Variants in AGK observed in about 807,000 individuals in gnomAD.
AGK encodes acylglycerol kinase, mitochondrial.
A neutral mutation model predicts 66.4 loss-of-function variants in AGK; 52 were observed. The ratio of observed to expected loss-of-function variants is 0.78; its 90% confidence interval spans 0.63 to 0.99. The LOEUF (loss-of-function observed/expected upper bound fraction) is 0.99, where lower values mean the gene tolerates loss of function less well. Ranked by LOEUF, AGK falls within the 50% of genes least tolerant of loss-of-function variation. The pLI, the probability that AGK is intolerant of heterozygous loss-of-function variation, is 0.00. For missense variants in AGK, 451 were observed against 506.6 expected, an observed-to-expected ratio of 0.89 and a Z score of 1.05; for synonymous variants, 182 against 181.1, an observed-to-expected ratio of 1.00 and a Z score of -0.04.
chr7:141,575,280 G>A (rs1795710462), intron 2 of AGK, among the ~76,000 whole-genome samples: 1 of 152,204 alleles, frequency 6.6e-6, no homozygotes, highest in Non-Finnish European at 1.5e-5. Flanking sequence ...CTAGGCCTAA[G>A]CCTTTTAGTA....
rs1562988811 is a variant in AGK, at chr7:141,652,941, A to G, written c.*17A>G. On this transcript the variant is annotated 3_prime_UTR_variant, in exon 16 of 16. Coordinates refer to ENST00000649286, the MANE Select transcript of AGK (RefSeq NM_018238.4). ...ACCCAGTGAGCAGCAGAAGACAAGC[A>G]CTCTGAGACCACACTTTAGGCCACC... is the stretch of plus-strand genomic sequence containing the variant. The G allele has an allele frequency of 1.9e-6, 3 of 1,613,374 alleles. No individual in the cohort carries two copies. Among genetic ancestry groups the G allele is most frequent in the Non-Finnish European group, 1.7e-6 (2 of 1,179,826 alleles).
At chr7:141,629,068 T>G (rs1238606764) in intron 9 of AGK, among the ~76,000 whole-genome samples, 2 of 152,166 alleles carry the variant, frequency 1.3e-5, no homozygotes, top group Non-Finnish European at 2.9e-5. Context: ...ATGGACTCCT[T>G]CTTTTTAGAC....
At chr7:141,642,909 T>C (rs2117016354) in intron 13 of AGK, among the ~76,000 whole-genome samples, 1 of 152,332 alleles carries the variant, frequency 6.6e-6, no homozygotes, top group African/African-American at 2.4e-5. Context: ...AAAAGTTTAC[T>C]GACCCTAGTA....
At chr7:141,572,039 T>C (rs963875012) in intron 2 of AGK, among the ~76,000 whole-genome samples, 1 of 152,212 alleles carries the variant, frequency 6.6e-6, no homozygotes, top group Non-Finnish European at 1.5e-5. Flanking sequence ...TCACTCCATA[T>C]TTTTGGAGAG....
chr7:141,651,705 C>A, intron 15 of AGK, 96 bp downstream of exon 15: 1 of 1,170,358 alleles, frequency 8.5e-7, no homozygotes, highest in Non-Finnish European at 1.3e-6. Context: ...GTTAGCTGAC[C>A]TAGACTTAGG....
rs1014513604 is a variant in AGK at position 141,636,286 on chromosome 7, C to A, written c.669-674C>A. On this transcript the variant is annotated intron_variant, in intron 10 of 15. Transcript: ENST00000649286. ...GTCATTTAGCTTGGGATCAGCACAT[C>A]AGAGCATGCAGTGTTTGCATCTTAG... Among the ~76,000 whole-genome samples, 30 of 152,168 alleles carry A rather than the reference C, an allele frequency of 2.0e-4. 1 individual carries two copies. The highest frequency in any genetic ancestry group is 1.8e-3 in the Admixed American group (27 of 15,276).
chr7:141,576,460 A>T (rs1795740793), intron 2 of AGK, among the ~76,000 whole-genome samples: 2 of 151,582 alleles, frequency 1.3e-5, no homozygotes, highest in African/African-American at 4.9e-5. Flanking sequence ...TTTGGCAGGA[A>T]GGGCAGTTAC....
At chr7:141,590,623 CTT>C (rs201399583) in intron 2 of AGK, among the ~76,000 whole-genome samples, 1,875 of 152,200 alleles carry the variant, frequency 0.012, 47 homozygotes, top group African/African-American at 0.041. Context: ...TGTTTTACCT[CTT>C]TATTGTATAT....
Position 141,621,799 on chromosome 7 carries a change from A to G in AGK, c.586A>G (p.Lys196Glu), listed in dbSNP as rs1180374922. 6.2e-7 allele frequency: 1 copy of G among 1,611,088 alleles called. No individual in the cohort carries two copies. Among genetic ancestry groups the G allele is most frequent in the Admixed American group, 1.7e-5 (1 of 59,662 alleles). ...ETVPLDVLQIKGEKEQPVFAM... is the reference protein window; with the variant it reads ...ETVPLDVLQIEGEKEQPVFAM... ...AGTTCCACTTGATGTCTTGCAGATC[A>G]AGGTAAATCTTTTCATCACATATTG... The change falls in exon 9 of 16, where the codon AAG becomes GAG. Residue 196 changes from lysine (K) to glutamate (E), a missense_variant and splice_region_variant. Physicochemically the swap from Lys to Glu is moderately conservative, Grantham distance 56. Transcript: ENST00000649286.
intron 9 of AGK, among the ~76,000 whole-genome samples, chr7:141,623,013 C>T (rs892271714): frequency 2.6e-5 from 4 of 152,042 alleles, no homozygotes; most frequent in African/African-American, 9.7e-5. Context: ...TTATGCCAAA[C>T]AGCCAAGTTG....
At position 141,630,237 on chromosome 7, in the gene AGK, CTTCTTTCCAG is replaced by C. The variant is rs1332699055; in HGVS notation, c.589-3654_589-3645del. Among the ~76,000 whole-genome samples, 12 of 152,304 alleles carry C rather than the reference CTTCTTTCCAG, an allele frequency of 7.9e-5. No individual in the cohort carries two copies. The South Asian group carries it at 1.5e-3, about 18-fold the overall frequency. ...AGAATCACTTTCTTCTCTCCTTTCTCTTCTTTCCAGTTCTTTCCAATCTCCCCTAATCTAG... is the reference window on the plus strand; with the variant it reads ...AGAATCACTTTCTTCTCTCCTTTCTCTTCTTTCCAATCTCCCCTAATCTAG... On this transcript the variant is annotated intron_variant, in intron 9 of 15. Coordinates refer to ENST00000649286, the MANE Select transcript of AGK (RefSeq NM_018238.4).
At chr7:141,573,515 G>A (rs556217645) in intron 2 of AGK, among the ~76,000 whole-genome samples, 5 of 152,120 alleles carry the variant, frequency 3.3e-5, no homozygotes, top group South Asian at 2.1e-4. Flanking sequence ...CGTTCCAAGC[G>A]TTACAGAGAG....
At chr7:141,564,763 C>T (rs569628695) in intron 2 of AGK, among the ~76,000 whole-genome samples, 2 of 151,934 alleles carry the variant, frequency 1.3e-5, no homozygotes, top group South Asian at 4.2e-4. Flanking sequence ...GAGTTTCACT[C>T]TTGTTGCTCA....
intron 13 of AGK, among the ~76,000 whole-genome samples, chr7:141,646,695 T>C (rs550671950): frequency 6.6e-6 from 1 of 152,334 alleles, no homozygotes; most frequent in South Asian, 2.1e-4. Context: ...AGAGTATTTT[T>C]CCCCGTTACG....
At chr7:141,625,355 A>T (rs890300180) in intron 9 of AGK, among the ~76,000 whole-genome samples, 17 of 151,836 alleles carry the variant, frequency 1.1e-4, no homozygotes, top group Non-Finnish European at 2.1e-4. Flanking sequence ...TATTTTATTT[A>T]TTTATTTATT....
At position 141,601,237 on chromosome 7, in the gene AGK, C is replaced by G; in HGVS notation, c.254C>G (p.Ala85Gly). The G allele has an allele frequency of 6.2e-7, 1 of 1,612,808 alleles. No individual in the cohort carries two copies. The highest frequency in any genetic ancestry group is 1.1e-5 in the South Asian group (1 of 90,944). ...AGGACTCTATTTGAAAAAAATGCTGCCCCGATTTTACATTTATCTGGCATG... is the reference window on the plus strand; with the variant it reads ...AGGACTCTATTTGAAAAAAATGCTGGCCCGATTTTACATTTATCTGGCATG... ...KARTLFEKNA[A>G]PILHLSGMDV... The change falls in exon 5 of 16, where the codon GCC becomes GGC. Residue 85 changes from alanine (A) to glycine (G), a missense_variant. Transcript: ENST00000649286.
At chr7:141,567,791 T>A (rs1795503273) in intron 2 of AGK, among the ~76,000 whole-genome samples, 1 of 152,156 alleles carries the variant, frequency 6.6e-6, no homozygotes, top group Non-Finnish European at 1.5e-5. Context: ...TAGCAAAGAG[T>A]CTGCTAATAA....
At chr7:141,568,577 T>TC (rs917705080) in intron 2 of AGK, among the ~76,000 whole-genome samples, 2 of 150,390 alleles carry the variant, frequency 1.3e-5, no homozygotes, top group African/African-American at 2.4e-5. Context: ...TTTCTTTCTT[T>TC]TTTTTTTTTT....
chr7:141,591,641 T>G (rs952166170), intron 2 of AGK, among the ~76,000 whole-genome samples: 7 of 152,160 alleles, frequency 4.6e-5, no homozygotes, highest in African/African-American at 1.7e-4. Flanking sequence ...AATGCAAAAT[T>G]TAAAGTTTTC....
Sources: allele counts gnomAD v4.1 joint callset (sites outside exome capture counted in the v4.1 genomes callset), GRCh38; gene constraint gnomAD v4.1.1; transcripts MANE v1.5; gene names NCBI Gene and HGNC (gene_info 2026-07-23, HGNC 2026-07-21).